Variants in ZNF626 observed in about 807,000 individuals in gnomAD.
The protein encoded by ZNF626 is CTC-513N18.7.
In ZNF626, 4 loss-of-function variants were observed where a neutral mutation model predicts 11.7. The observed-to-expected ratio is 0.34, with a 90% CI of 0.17 to 0.78. ZNF626 has a LOEUF of 0.78. Among genes scored for constraint, ZNF626 ranks in the 30% least tolerant of loss-of-function variants. The probability of loss-of-function intolerance (pLI) is 0.57; values close to 1 mark genes in which losing one functional copy is unlikely to be tolerated. For synonymous variants in ZNF626, 179 were observed against 198.6 expected, an observed-to-expected ratio of 0.90 and a Z score of 0.83; for missense variants, 588 against 587.1, an observed-to-expected ratio of 1.00 and a Z score of -0.01.
In ZNF626 at chr19:20,657,521, C is replaced by T. The variant is rs1176905281; in HGVS notation, c.3+3923G>A. Among the ~76,000 whole-genome samples the T allele has an allele frequency of 5.3e-5, 8 of 151,884 alleles. No individual in the cohort carries two copies. In the East Asian group the frequency reaches 9.8e-4, roughly 19 times the overall value. ...GACAATTATTCTTAGAAAACTAATG[C>T]GGAGTCCAGGCATGGTGGCTCACGC... On this transcript the variant is annotated intron_variant, in intron 1 of 3. Coordinates refer to ENST00000601440, the MANE Select transcript of ZNF626 (RefSeq NM_001076675.3).
intron 1 of ZNF626, among the ~76,000 whole-genome samples, chr19:20,653,034 T>C (rs1555772725): frequency 6.6e-6 from 1 of 152,168 alleles, no homozygotes; most frequent in African/African-American, 2.4e-5. Context: ...CTAGACTCTC[T>C]AGAAGTGACT....
chr19:20,630,708 T>G (rs1969894118), intron 3 of ZNF626, among the ~76,000 whole-genome samples: 1 of 151,546 alleles, frequency 6.6e-6, no homozygotes, highest in South Asian at 2.1e-4. Context: ...CTATCAATTT[T>G]GTTGATCTTT....
chr19:20,628,999 A>G (rs1969872032), intron 3 of ZNF626, among the ~76,000 whole-genome samples: 1 of 152,166 alleles, frequency 6.6e-6, no homozygotes. Context: ...CTTTCTACAT[A>G]TGGCTAGCCA....
Position 20,625,453 on chromosome 19 carries a change from T to C in ZNF626, c.424A>G (p.Arg142Gly). Reference protein sequence around the residue: ...ELNQCLTTTPRKICQCDKYVK... With the variant: ...ELNQCLTTTPGKICQCDKYVK... ...TATTTATCACATTGACATATTTTTC[T>C]TGGGGTAGTTGTCAAACATTGGTTA... Residue 142 changes from arginine to glycine, a missense_variant, in exon 4 of 4, where the codon AGA becomes GGA. Arg to Gly is a moderately radical substitution (Grantham distance 125, BLOSUM62 -2). Transcript: ENST00000601440. The C allele has an allele frequency of 6.2e-7, 1 of 1,614,136 alleles. No individual in the cohort carries two copies. The highest frequency in any genetic ancestry group is 8.5e-7 in the Non-Finnish European group (1 of 1,180,012).
chr19:20,657,097 C>T (rs782713530), intron 1 of ZNF626, among the ~76,000 whole-genome samples: 26 of 152,102 alleles, frequency 1.7e-4, no homozygotes, highest in Non-Finnish European at 2.8e-4. Flanking sequence ...TGGTCAGATG[C>T]GGTGGCTCAT....
intron 3 of ZNF626, among the ~76,000 whole-genome samples, chr19:20,643,010 CAAA>C (rs11289893): frequency 2.2e-4 from 24 of 109,392 alleles, no homozygotes; most frequent in Admixed American, 3.6e-4. Flanking sequence ...AACTCCTTCT[CAAA>C]AAAAAAAAAA....
At chr19:20,637,191 T>C (rs1220882113) in intron 3 of ZNF626, among the ~76,000 whole-genome samples, 1 of 152,066 alleles carries the variant, frequency 6.6e-6, no homozygotes, top group African/African-American at 2.4e-5. Context: ...AAACAATATG[T>C]AAATGTGCAT....
Position 20,646,382 on chromosome 19 carries a change from C to A in ZNF626, c.27G>T (p.Val9=). The change falls in exon 2 of 4, where the codon GTG becomes GTT. Residue 9 remains valine (V), a synonymous_variant. Coordinates refer to ENST00000601440, the MANE Select transcript of ZNF626 (RefSeq NM_001076675.3). Reference sequence around the variant, plus strand: ...ACTCCTCCAGAGAGAATTCTATGGCCACATCTCTAAATTGCAATGGTCCCT... The same window carrying A: ...ACTCCTCCAGAGAGAATTCTATGGCAACATCTCTAAATTGCAATGGTCCCT... MGPLQFRD[V]AIEFSLEEWH... The A allele has an allele frequency of 6.2e-7, 1 of 1,614,018 alleles. No homozygotes were observed. Among genetic ancestry groups the A allele is most frequent in the Non-Finnish European group, 8.5e-7 (1 of 1,179,990 alleles).
intron 1 of ZNF626, among the ~76,000 whole-genome samples, chr19:20,647,687 C>T (rs574698841): frequency 2.3e-4 from 35 of 151,874 alleles, no homozygotes; most frequent in African/African-American, 4.3e-4. Flanking sequence ...AGGGTTTCAC[C>T]GTGTTAGCCG....
At chr19:20,648,493 C>T (rs187589195) in intron 1 of ZNF626, among the ~76,000 whole-genome samples, 1 of 152,018 alleles carries the variant, frequency 6.6e-6, no homozygotes, top group East Asian at 2.0e-4. Flanking sequence ...TCTCCTGCAT[C>T]AGCCTACCAA....
chr19:20,648,480 C>T (rs1970109789), intron 1 of ZNF626, among the ~76,000 whole-genome samples: 1 of 151,666 alleles, frequency 6.6e-6, no homozygotes, highest in Admixed American at 6.6e-5. Context: ...AGGTTCACGC[C>T]ATTCTCCTGC....
Position 20,625,239 on chromosome 19 carries a change from G to T in ZNF626, c.638C>A (p.Ser213Tyr). The part of the protein sequence containing the change: ...CEECGKAFNH[S>Y]CSLTRHKKIH... ...TTTCTTATGTCTAGTAAGGCTACAAGAGTGGTTAAAGGCTTTGCCACATTC... is the reference window on the plus strand; with the variant it reads ...TTTCTTATGTCTAGTAAGGCTACAATAGTGGTTAAAGGCTTTGCCACATTC... The change falls in exon 4 of 4, where the codon TCT (serine) becomes TAT (tyrosine). Residue 213 changes from serine to tyrosine, a missense_variant. By Grantham distance (144) the Ser-to-Tyr change is moderately radical. This residue lies in a region of ZNF626 where 524 missense variants were observed against 470.1 expected (regional missense o/e 1.11). Transcript: ENST00000601440. 2 of 1,612,850 alleles carry T rather than the reference G, an allele frequency of 1.2e-6. No homozygotes were observed. The highest frequency in any genetic ancestry group is 2.7e-5 in the African/African-American group (2 of 74,412).
Position 20,661,537 on chromosome 19 carries a change from G to GTAAC in ZNF626, c.-92_-91insGTTA, listed in dbSNP as rs1970269267. Reference sequence around the variant, plus strand: ...CACACAGCCTGGGCCTTTAGGAGAAGAACCAGACCTGGAGCTCTGACTGCA... The same window carrying GTAAC: ...CACACAGCCTGGGCCTTTAGGAGAAGTAACAACCAGACCTGGAGCTCTGACTGCA... On this transcript the variant is annotated 5_prime_UTR_variant, in exon 1 of 4. Coordinates refer to ENST00000601440, the MANE Select transcript of ZNF626 (RefSeq NM_001076675.3). 1 of 1,489,258 alleles carries GTAAC rather than the reference G, an allele frequency of 6.7e-7. No individual in the cohort carries two copies. Among genetic ancestry groups the GTAAC allele is most frequent in the Non-Finnish European group, 9.2e-7 (1 of 1,083,742 alleles). 92.3% of individuals were successfully genotyped at this position (1,489,258 alleles called of 1,614,324 possible).
At chr19:20,656,705 G>A (rs1261429455) in intron 1 of ZNF626, among the ~76,000 whole-genome samples, 1 of 149,672 alleles carries the variant, frequency 6.7e-6, no homozygotes, top group African/African-American at 2.5e-5. Flanking sequence ...AAAGGTCATC[G>A]CTAGTCATTA....
intron 3 of ZNF626, among the ~76,000 whole-genome samples, chr19:20,634,136 G>A (rs1555770688): frequency 6.6e-6 from 1 of 152,080 alleles, no homozygotes; most frequent in Non-Finnish European, 1.5e-5. Context: ...ATGTGTGTGT[G>A]TCTCATATTG....
intron 3 of ZNF626, 37 bp downstream of exon 3, chr19:20,645,647 T>C: frequency 1.3e-6 from 2 of 1,593,686 alleles, no homozygotes; most frequent in Non-Finnish European, 1.7e-6. Context: ...ACCCCTTATC[T>C]GTGTCATCTG....
intron 1 of ZNF626, among the ~76,000 whole-genome samples, chr19:20,658,243 A>C (rs1970226252): frequency 6.6e-6 from 1 of 152,200 alleles, no homozygotes; most frequent in Non-Finnish European, 1.5e-5. Flanking sequence ...TGAGATTATA[A>C]CCGGGAGGTC....
chr19:20,656,901 C>T (rs1970211413), intron 1 of ZNF626, among the ~76,000 whole-genome samples: 2 of 152,034 alleles, frequency 1.3e-5, no homozygotes, highest in African/African-American at 4.8e-5. Context: ...CCTCACAGAA[C>T]TAAAAACAGA....
In ZNF626 at chr19:20,621,508, G is replaced by A. The variant is rs1555768725; in HGVS notation, c.*2782C>T. The A allele has an allele frequency of 6.6e-6, 1 of 152,096 alleles. No homozygotes were observed. The highest frequency in any genetic ancestry group is 2.4e-5 in the African/African-American group (1 of 41,394). The allele number at this position is 152,096 out of a possible 1,614,324, so 9.4% of individuals were successfully genotyped here. On this transcript the variant is annotated 3_prime_UTR_variant, in exon 4 of 4. Coordinates refer to ENST00000601440, the MANE Select transcript of ZNF626 (RefSeq NM_001076675.3). ...TTACAATTTAATTGGACATTTAAAA[G>A]TAACTAAAAGTGTATAATTACACTG...
Sources: allele counts gnomAD v4.1 joint callset (sites outside exome capture counted in the v4.1 genomes callset), GRCh38; gene constraint gnomAD v4.1.1; regional missense constraint gnomAD v4.1.1; transcripts MANE v1.5; gene names NCBI Gene and HGNC (gene_info 2026-07-23, HGNC 2026-07-21).